PRICKLE2: variants seen among roughly 807,000 people sequenced by gnomAD.
The protein encoded by PRICKLE2 is prickle planar cell polarity protein 2.
In PRICKLE2, 21 loss-of-function variants were observed where a neutral mutation model predicts 81.4. The observed-to-expected ratio is 0.26, with a 90% CI of 0.18 to 0.37. The LOEUF (loss-of-function observed/expected upper bound fraction) is 0.37, where lower values mean the gene tolerates loss of function less well. PRICKLE2 is among the 10% of genes least tolerant of loss of function. The pLI is 1.00. For missense variants in PRICKLE2, 940 were observed against 1,109.0 expected (o/e 0.85, Z 2.16); for synonymous variants, 456 against 421.5 (o/e 1.08, Z -1.00).
rs113866120 is a variant in PRICKLE2, at chr3:64,157,390, T to C, written c.397-25A>G. ...ACTGTGAGGCAAACAGAAACATCAG[T>C]AGTCACACTAGCCCCCATCTCCCAG... is the stretch of plus-strand genomic sequence containing the variant. On this transcript the variant is annotated intron_variant, in intron 4 of 7. Coordinates refer to ENST00000638394, the MANE Select transcript of PRICKLE2 (RefSeq NM_198859.4). The C allele has an allele frequency of 7.1e-4, 1,132 of 1,605,520 alleles. 3 individuals are homozygous for C. The African/African-American group carries it at 0.013, about 18-fold the overall frequency.
At chr3:64,136,074 A>G (rs765561129) in intron 7 of PRICKLE2, among the ~76,000 whole-genome samples, 2 of 152,172 alleles carry the variant, frequency 1.3e-5, no homozygotes, top group Non-Finnish European at 2.9e-5. Flanking sequence ...TATCATCCAC[A>G]TGCTTCAGAT....
At chr3:64,134,426 T>G (rs1477503439) in intron 7 of PRICKLE2, among the ~76,000 whole-genome samples, 1 of 152,236 alleles carries the variant, frequency 6.6e-6, no homozygotes, top group Middle Eastern at 3.2e-3. Flanking sequence ...TGGAATTCCC[T>G]GTGTCTAGGC....
chr3:64,116,311 T>C (rs1300738296), intron 7 of PRICKLE2, among the ~76,000 whole-genome samples: 1 of 150,924 alleles, frequency 6.6e-6, no homozygotes, highest in Non-Finnish European at 1.5e-5. Flanking sequence ...TGCAAAGAAA[T>C]CCCAAAACTA....
chr3:64,134,973 T>A (rs746538905), intron 7 of PRICKLE2, among the ~76,000 whole-genome samples: 11 of 152,210 alleles, frequency 7.2e-5, no homozygotes, highest in Non-Finnish European at 1.3e-4. Flanking sequence ...GCTGCCAGGA[T>A]GAGAAACCCT....
intron 1 of PRICKLE2, among the ~76,000 whole-genome samples, chr3:64,219,625 T>C (rs1401403998): frequency 1.3e-5 from 2 of 152,236 alleles, no homozygotes; most frequent in African/African-American, 4.8e-5. Flanking sequence ...TATTCTCTTG[T>C]GTGTTTCCAA....
intron 2 of PRICKLE2, among the ~76,000 whole-genome samples, chr3:64,176,135 C>T (rs753762605): frequency 2.0e-5 from 3 of 152,160 alleles, no homozygotes; most frequent in Admixed American, 6.5e-5. Flanking sequence ...ACTAGAAGTA[C>T]TAACCTCCTA....
intron 7 of PRICKLE2, among the ~76,000 whole-genome samples, chr3:64,125,415 A>T (rs997456567): frequency 6.6e-6 from 1 of 152,230 alleles, no homozygotes; most frequent in Non-Finnish European, 1.5e-5. Context: ...AAATGCTATC[A>T]AACAGCATCA....
chr3:64,211,227 G>A (rs564455955), intron 1 of PRICKLE2, among the ~76,000 whole-genome samples: 5 of 152,230 alleles, frequency 3.3e-5, no homozygotes, highest in South Asian at 4.1e-4. Flanking sequence ...TCCAAAAGGC[G>A]GAACAGAGGC....
chr3:64,198,705 A>G (rs2078509838), intron 2 of PRICKLE2, 79 bp downstream of exon 2: 2 of 1,452,052 alleles, frequency 1.4e-6, no homozygotes, highest in South Asian at 1.1e-5. Context: ...TACTCTTCCT[A>G]CAGAACTGGA....
intron 3 of PRICKLE2, among the ~76,000 whole-genome samples, chr3:64,161,662 A>T (rs761981379): frequency 4.6e-5 from 7 of 151,406 alleles, no homozygotes; most frequent in Non-Finnish European, 1.0e-4. Flanking sequence ...AACACAACAA[A>T]CCACTAAAAT....
Position 64,098,892 on chromosome 3 carries a change from A to T in PRICKLE2, c.*159T>A. On this transcript the variant is annotated 3_prime_UTR_variant, in exon 8 of 8. Transcript: ENST00000638394. Reference sequence around the variant, plus strand: ...AACATGCCAAGAACTGTGACTACCTATTGAGTCAACCTGTAACCTTGCCTC... The same window carrying T: ...AACATGCCAAGAACTGTGACTACCTTTTGAGTCAACCTGTAACCTTGCCTC... 2.6e-6 allele frequency: 2 copies of T among 757,712 alleles called. No individual in the cohort carries two copies. The highest frequency in any genetic ancestry group is 4.5e-6 in the Non-Finnish European group (2 of 439,746). 46.9% of individuals were successfully genotyped at this position (757,712 alleles called of 1,614,324 possible).
intron 7 of PRICKLE2, among the ~76,000 whole-genome samples, chr3:64,123,021 G>A (rs193250632): frequency 1.3e-5 from 2 of 152,308 alleles, no homozygotes; most frequent in African/African-American, 4.8e-5. Context: ...CTCTGGGAAT[G>A]CTATGTGGCT....
At chr3:64,164,807 G>A (rs898488784) in intron 2 of PRICKLE2, among the ~76,000 whole-genome samples, 2 of 152,206 alleles carry the variant, frequency 1.3e-5, no homozygotes, top group African/African-American at 4.8e-5. Flanking sequence ...CCAGTACTCT[G>A]AGAAGAAGTA....
At chr3:64,107,793 C>T (rs908959105) in intron 7 of PRICKLE2, among the ~76,000 whole-genome samples, 4 of 152,210 alleles carry the variant, frequency 2.6e-5, no homozygotes, top group African/African-American at 9.7e-5. Context: ...GACACCACTG[C>T]ACTCCAGAGC....
rs142969696 is a variant in PRICKLE2 at position 64,212,397 on chromosome 3, G to A, written c.-41+12513C>T. Among the ~76,000 whole-genome samples, 849 of 152,190 alleles carry A rather than the reference G, an allele frequency of 5.6e-3. 4 individuals are homozygous for A. Among genetic ancestry groups the A allele is most frequent in the African/African-American group, 0.02 (811 of 41,508 alleles). On this transcript the variant is annotated intron_variant, in intron 1 of 7. Transcript: ENST00000638394. ...TCCTTTCCAGATAAATCCTTTGGGG[G>A]ACCAATTTCTGAGGAAATGAATGAA... is the stretch of plus-strand genomic sequence containing the variant.
intron 7 of PRICKLE2, among the ~76,000 whole-genome samples, chr3:64,111,487 G>T (rs2076845816): frequency 6.6e-6 from 1 of 152,204 alleles, no homozygotes; most frequent in East Asian, 1.9e-4. Context: ...CTAGCAGTCA[G>T]AGATTTGAGG....
chr3:64,153,544 A>G (rs1236190079), intron 5 of PRICKLE2, 176 bp from the exon 6 acceptor site: 1 of 617,386 alleles, frequency 1.6e-6, no homozygotes, highest in African/African-American at 1.8e-5. Flanking sequence ...GTTCCTATAC[A>G]TGGATTTACC....
chr3:64,239,785 G>A (rs537376921), intron 2 of PRICKLE2, among the ~76,000 whole-genome samples: 4 of 151,840 alleles, frequency 2.6e-5, no homozygotes, highest in Admixed American at 6.6e-5. Context: ...TTTCTGAATC[G>A]ATTTCCTTTT....
At chr3:64,182,782 T>G (rs1189144051) in intron 2 of PRICKLE2, 2 of 152,132 alleles carry the variant, frequency 1.3e-5, no homozygotes, top group African/African-American at 4.8e-5. Flanking sequence ...GGATCCAGTG[T>G]GGCTGGATGT....
Sources: gnomAD v4.1 joint callset for allele counts (sites outside exome capture counted in the v4.1 genomes callset) on GRCh38, gnomAD v4.1.1 for gene constraint, MANE v1.5 for transcripts, NCBI Gene and HGNC (gene_info 2026-07-23, HGNC 2026-07-21) for gene names.